The following RIF1 variants were observed in gnomAD, a reference collection of about 807,000 sequenced individuals.
RIF1 encodes replication timing regulatory factor 1, also known as telomere-associated protein RIF1.
RIF1 carries 45 observed loss-of-function variants against 247.1 expected under a neutral mutation model. The observed-to-expected ratio is 0.18, with a 90% CI of 0.14 to 0.23. The LOEUF (loss-of-function observed/expected upper bound fraction) is 0.23. Ranked by LOEUF, RIF1 falls within the 10% of genes least tolerant of loss-of-function variation. The probability of loss-of-function intolerance (pLI) is 1.00; values close to 1 mark genes in which losing one functional copy is unlikely to be tolerated. For synonymous variants in RIF1, 1,087 were observed against 978.8 expected (o/e 1.11, Z -2.06); for missense variants, 2,967 against 2,862.5 (o/e 1.04, Z -0.83).
intron 14 of RIF1, among the ~76,000 whole-genome samples, chr2:151,438,954 A>G (rs1211448550): frequency 1.3e-5 from 2 of 152,242 alleles, no homozygotes; most frequent in East Asian, 1.9e-4. Flanking sequence ...TCCAAAATCT[A>G]CATATAACTT....
chr2:151,446,014 CTT>C (rs1286654626), intron 19 of RIF1, among the ~76,000 whole-genome samples: 1 of 152,080 alleles, frequency 6.6e-6, no homozygotes, highest in Non-Finnish European at 1.5e-5. Context: ...GTGTTAGTCT[CTT>C]TTTTATTTTG....
Position 151,466,038 on chromosome 2 carries a change from C to T in RIF1, c.6518C>T (p.Pro2173Leu), listed in dbSNP as rs1696821694. The stretch of plus-strand genomic sequence containing the variant: ...ATGCAGACACGCTGTGTCTGGTCTC[C>T]TTTGGCTTCTCCGTCTACGAGCATT... ...SGMQTRCVWS[P>L]LASPSTSILK... The change falls in exon 30 of 36, where the codon CCT becomes CTT. Residue 2173 changes from proline to leucine, a missense_variant. Around this residue, in one of 7 missense-constraint regions of RIF1, gnomAD observed 2,028 missense variants for 1,825.6 expected, o/e 1.11. Coordinates refer to ENST00000444746, the MANE Select transcript of RIF1 (RefSeq NM_018151.5). The T allele has an allele frequency of 6.2e-7, 1 of 1,613,690 alleles. No individual in the cohort carries two copies. Among genetic ancestry groups the T allele is most frequent in the Non-Finnish European group, 8.5e-7 (1 of 1,179,738 alleles).
At chr2:151,502,431 A>G (rs2065418490) in intron 11 of RIF1, among the ~76,000 whole-genome samples, 1 of 152,148 alleles carries the variant, frequency 6.6e-6, no homozygotes, top group African/African-American at 2.4e-5. Flanking sequence ...AGAATACATT[A>G]AACAGCCACA....
the RIF1 span, chr2:151,519,151 T>C: frequency 1.1e-6 from 1 of 892,846 alleles, no homozygotes; most frequent in East Asian, 2.5e-5. Context: ...AGATAGCCCA[T>C]CGTCAAACAA....
the RIF1 span, among the ~76,000 whole-genome samples, chr2:151,528,588 T>A: frequency 6.6e-6 from 1 of 152,228 alleles, no homozygotes; most frequent in Non-Finnish European, 1.5e-5. Flanking sequence ...TCCAGTTTGC[T>A]AGCCCTCATA....
intron 3 of RIF1, 48 bp from the exon 4 acceptor site, chr2:151,414,775 G>A (rs780470900): frequency 7.5e-7 from 1 of 1,331,310 alleles, no homozygotes; most frequent in Non-Finnish European, 1.1e-6. Flanking sequence ...TCTAAAAATT[G>A]ATTTACAGTT....
chr2:151,450,066 C>G (rs13022617), intron 20 of RIF1, among the ~76,000 whole-genome samples: 1 of 152,030 alleles, frequency 6.6e-6, no homozygotes, highest in Non-Finnish European at 1.5e-5. Context: ...GTCTTGAACT[C>G]CTGACCTCAG....
intron 9 of RIF1, chr2:151,489,877 G>GT (rs1292619713): frequency 1.0e-5 from 9 of 897,180 alleles, no homozygotes; most frequent in Non-Finnish European, 1.2e-5. Context: ...AGAAGGTTTG[G>GT]TTAAAAAAAA....
In RIF1 at chr2:151,469,880, T is replaced by C. The variant is rs1697525795; in HGVS notation, c.7095+16T>C. ...TGAGCAGCAGGTAAAAACTTAGATA[T>C]TAGCTATGATGTATATTAATAAATG... On this transcript the variant is annotated intron_variant, in intron 34 of 35. Transcript: ENST00000444746. 1.3e-6 allele frequency: 2 copies of C among 1,566,086 alleles called. No individual in the cohort carries two copies. Among genetic ancestry groups the C allele is most frequent in the East Asian group, 2.3e-5 (1 of 44,410 alleles).
In RIF1 at chr2:151,476,218, A is replaced by G. The variant is rs1447875534; in HGVS notation, c.*1147A>G. ...CACAGCAAGTTGGACTACAAAATCTAGAGTTGATCTGCTTTTTAAACCTTC... is the reference window on the plus strand; with the variant it reads ...CACAGCAAGTTGGACTACAAAATCTGGAGTTGATCTGCTTTTTAAACCTTC... On this transcript the variant is annotated 3_prime_UTR_variant, in exon 36 of 36. Coordinates refer to ENST00000444746, the MANE Select transcript of RIF1 (RefSeq NM_018151.5). 6.6e-6 allele frequency: 1 copy of G among 152,224 alleles called. No homozygotes were observed. The highest frequency in any genetic ancestry group is 1.5e-5 in the Non-Finnish European group (1 of 68,014). 9.4% of individuals were successfully genotyped at this position (152,224 alleles called of 1,614,324 possible). A position where few individuals can be genotyped will look rare whatever the true frequency, so the allele number is the denominator to read the frequency against.
chr2:151,411,967 G>T (rs1311798211), intron 3 of RIF1, among the ~76,000 whole-genome samples: 1 of 152,220 alleles, frequency 6.6e-6, no homozygotes, highest in East Asian at 1.9e-4. Context: ...TGAAAGCAGA[G>T]ATCAGAGATT....
intron 20 of RIF1, among the ~76,000 whole-genome samples, 153 bp from the exon 21 acceptor site, chr2:151,451,453 G>A (rs1017777775): frequency 5.3e-5 from 8 of 152,162 alleles, no homozygotes; most frequent in Admixed American, 1.3e-4. Flanking sequence ...CTGTTAAGCC[G>A]TGGGTGGCTG....
chr2:151,469,351 A>C (rs1282942910), intron 33 of RIF1, among the ~76,000 whole-genome samples: 5 of 152,196 alleles, frequency 3.3e-5, no homozygotes. Flanking sequence ...GAGATGAAGT[A>C]TTCTTAAACT....
chr2:151,465,110 C>T lies in RIF1; in HGVS notation c.5590C>T (p.Pro1864Ser). ...SPNENFKTVG[P>S]CLGDSKNVSQ... ...TAATGAAAATTTTAAAACTGTTGGC[C>T]CGTGTTTAGGAGACTCGAAAAATGT... Residue 1864 changes from proline (P) to serine (S), a missense_variant, in exon 30 of 36, where the codon CCG (proline) becomes TCG (serine). Physicochemically the swap from Pro to Ser is moderately conservative, Grantham distance 74. Around this residue, in one of 7 missense-constraint regions of RIF1, gnomAD observed 2,028 missense variants for 1,825.6 expected, o/e 1.11. Transcript: ENST00000444746. 3.7e-6 allele frequency: 6 copies of T among 1,609,280 alleles called. No homozygotes were observed. The highest frequency in any genetic ancestry group is 5.1e-6 in the Non-Finnish European group (6 of 1,179,002).
chr2:151,453,579 C>CAAAAA (rs59661470), intron 21 of RIF1, among the ~76,000 whole-genome samples: 28 of 72,882 alleles, frequency 3.8e-4, no homozygotes, highest in African/African-American at 1.6e-3. Flanking sequence ...GACTCTGTCT[C>CAAAAA]AAAAAAAAAA....
Position 151,468,014 on chromosome 2 carries a change from C to CTT in RIF1, c.6617_6618dup (p.Ala2207LeufsTer31). 6.2e-7 allele frequency: 1 copy of CTT among 1,611,550 alleles called. No individual in the cohort carries two copies. On this transcript the variant is annotated frameshift_variant, in exon 31 of 36. Coordinates refer to ENST00000444746, the MANE Select transcript of RIF1 (RefSeq NM_018151.5). LOFTEE classifies it high-confidence loss of function. ...TGTGTTTTCAGGTTCGCCGTGTCTC[C>CTT]TTTGCAGATCCAATATACCAAGCAG...
intron 8 of RIF1, among the ~76,000 whole-genome samples, chr2:151,424,491 G>C (rs1272993284): frequency 6.6e-6 from 1 of 152,132 alleles, no homozygotes; most frequent in Non-Finnish European, 1.5e-5. Context: ...AACACATTTT[G>C]TTTATCTGTT....
chr2:151,459,321 C>G (rs1695746713), intron 25 of RIF1, among the ~76,000 whole-genome samples: 1 of 152,160 alleles, frequency 6.6e-6, no homozygotes, highest in Non-Finnish European at 1.5e-5. Context: ...AGCAAAGTTT[C>G]TTTGGCTAAT....
chr2:151,455,775 A>G (rs1695089083), intron 22 of RIF1, among the ~76,000 whole-genome samples: 1 of 152,124 alleles, frequency 6.6e-6, no homozygotes, highest in African/African-American at 2.4e-5. Flanking sequence ...ATTAGCCGCC[A>G]CCATGCCCAG....
Sources: allele counts gnomAD v4.1 joint callset (sites outside exome capture counted in the v4.1 genomes callset), GRCh38; gene constraint gnomAD v4.1.1; regional missense constraint gnomAD v4.1.1; transcripts MANE v1.5; gene names NCBI Gene and HGNC (gene_info 2026-07-23, HGNC 2026-07-21).